The following TBCA variants were observed in gnomAD, a reference collection of about 807,000 sequenced individuals.
The protein encoded by TBCA is tubulin folding cofactor A.
In TBCA, 6 loss-of-function variants were observed where a neutral mutation model predicts 15.8. The observed-to-expected ratio is 0.38, with a 90% CI of 0.21 to 0.75. The LOEUF (loss-of-function observed/expected upper bound fraction) is 0.75. TBCA is among the 30% of genes least tolerant of loss of function. The pLI is 0.46. For synonymous variants in TBCA, 32 were observed against 42.3 expected, an observed-to-expected ratio of 0.76 and a Z score of 0.94; for missense variants, 90 against 131.2, an observed-to-expected ratio of 0.69 and a Z score of 1.53.
intron 1 of TBCA, among the ~76,000 whole-genome samples, chr5:77,734,461 C>G (rs568654831): frequency 1.3e-5 from 2 of 152,116 alleles, no homozygotes; most frequent in Middle Eastern, 3.2e-3. Context: ...CTAACCTGCA[C>G]AGATAACTTT....
intron 1 of TBCA, among the ~76,000 whole-genome samples, chr5:77,726,407 C>T (rs71632937): frequency 0.08 from 12,177 of 152,244 alleles, 641 homozygotes; most frequent in Middle Eastern, 0.12. Context: ...CAGATTTCTT[C>T]ATTACATGCA....
Position 77,761,197 on chromosome 5 carries a change from G to A in TBCA, c.53+15008C>T, listed in dbSNP as rs538356981. ...ATGGTGGTTTTGTCGAAAAGAAAAG[G>A]GGGAAATGTGGGGAAAAGAAAGAGA... On this transcript the variant is annotated intron_variant, in intron 1 of 3. Transcript: ENST00000380377. Among the ~76,000 whole-genome samples the A allele has an allele frequency of 5.3e-5, 8 of 151,950 alleles. No individual in the cohort carries two copies. The South Asian group carries it at 1.5e-3, about 28-fold the overall frequency.
intron 1 of TBCA, among the ~76,000 whole-genome samples, chr5:77,754,279 T>C (rs1403557931): frequency 1.3e-5 from 2 of 152,240 alleles, no homozygotes; most frequent in African/African-American, 4.8e-5. Context: ...TCTATAACTT[T>C]CTTTACATCT....
At chr5:77,757,932 G>A (rs900039287) in intron 1 of TBCA, among the ~76,000 whole-genome samples, 3 of 152,116 alleles carry the variant, frequency 2.0e-5, no homozygotes, top group African/African-American at 4.8e-5. Context: ...AAATCTGTAC[G>A]GGTCTGCAGC....
intron 2 of TBCA, among the ~76,000 whole-genome samples, chr5:77,707,542 T>C (rs1236056807): frequency 6.6e-6 from 1 of 151,754 alleles, no homozygotes; most frequent in Non-Finnish European, 1.5e-5. Context: ...ACCTAAGAGG[T>C]TGAGACAGGG....
intron 1 of TBCA, among the ~76,000 whole-genome samples, chr5:77,735,098 C>T (rs1030253888): frequency 1.2e-4 from 18 of 152,134 alleles, no homozygotes; most frequent in African/African-American, 3.4e-4. Flanking sequence ...ATTTGTGTGA[C>T]TCATTTTATT....
intron 3 of TBCA, 101 bp downstream of exon 3, chr5:77,693,165 T>C: frequency 6.5e-7 from 1 of 1,543,868 alleles, no homozygotes; most frequent in Non-Finnish European, 8.7e-7. Flanking sequence ...GAATAAGAAA[T>C]ACTGCCAACT....
chr5:77,751,957 G>C (rs559504768), intron 1 of TBCA, among the ~76,000 whole-genome samples: 1 of 152,130 alleles, frequency 6.6e-6, no homozygotes, highest in Non-Finnish European at 1.5e-5. Context: ...GATCAGATGA[G>C]CCAGTTTATT....
chr5:77,737,664 C>T (rs777083410), intron 1 of TBCA, among the ~76,000 whole-genome samples: 16 of 152,278 alleles, frequency 1.1e-4, no homozygotes, highest in Non-Finnish European at 2.1e-4. Flanking sequence ...GGAAGAAATA[C>T]ATTTTAAATT....
At position 77,776,244 on chromosome 5, in the gene TBCA, C is replaced by G; in HGVS notation, c.14G>C (p.Arg5Pro). The change falls in exon 1 of 4, where the codon CGC becomes CCC. Residue 5 changes from arginine to proline, a missense_variant. Transcript: ENST00000380377. ...GGTCTTGATCTTGATCTGTCTCACG[C>G]GAGGATCGGCCATGGTCCCTCGAGC... MADP[R>P]VRQIKIKTGV... 2 of 1,579,640 alleles carry G rather than the reference C, an allele frequency of 1.3e-6. No individual in the cohort carries two copies. Among genetic ancestry groups the G allele is most frequent in the Non-Finnish European group, 1.7e-6 (2 of 1,163,762 alleles).
At chr5:77,733,287 G>A (rs1324684460) in intron 1 of TBCA, among the ~76,000 whole-genome samples, 1 of 151,940 alleles carries the variant, frequency 6.6e-6, no homozygotes, top group Non-Finnish European at 1.5e-5. Context: ...TCTCAAGGGA[G>A]AAAAAAAAGT....
At chr5:77,725,801 G>C (rs1394684196) in intron 1 of TBCA, among the ~76,000 whole-genome samples, 7 of 152,132 alleles carry the variant, frequency 4.6e-5, no homozygotes, top group Admixed American at 3.3e-4. Flanking sequence ...GTGTCTTAAG[G>C]CTCCTTGAGA....
At chr5:77,697,024 T>A (rs1745887828) in intron 2 of TBCA, among the ~76,000 whole-genome samples, 1 of 152,212 alleles carries the variant, frequency 6.6e-6, no homozygotes, top group Admixed American at 6.5e-5. Flanking sequence ...ATCATAAAAT[T>A]ATCAATCTAC....
intron 1 of TBCA, among the ~76,000 whole-genome samples, chr5:77,736,335 CA>C (rs34100013): frequency 0.42 from 38,048 of 90,332 alleles, 4,457 homozygotes; most frequent in Non-Finnish European, 0.44. Context: ...GACTCCGTCT[CA>C]AAAAAAAAAA....
chr5:77,693,420 G>T (rs1745800918), intron 2 of TBCA, 68 bp from the exon 3 acceptor site: 1 of 1,520,020 alleles, frequency 6.6e-7, no homozygotes, highest in Non-Finnish European at 8.9e-7. Flanking sequence ...TCATATCTTG[G>T]TAAGTATATC....
chr5:77,743,852 C>T (rs1747106617), intron 1 of TBCA, among the ~76,000 whole-genome samples: 1 of 152,146 alleles, frequency 6.6e-6, no homozygotes, highest in African/African-American at 2.4e-5. Flanking sequence ...CAGGTACCAT[C>T]GTAGGCACTA....
At chr5:77,736,073 G>C (rs1746896071) in intron 1 of TBCA, among the ~76,000 whole-genome samples, 1 of 152,042 alleles carries the variant, frequency 6.6e-6, no homozygotes, top group Non-Finnish European at 1.5e-5. Context: ...GGTGGCTCAC[G>C]CCTGTAATCC....
chr5:77,767,700 C>T (rs1293273449), intron 1 of TBCA, among the ~76,000 whole-genome samples: 1 of 152,170 alleles, frequency 6.6e-6, no homozygotes, highest in Non-Finnish European at 1.5e-5. Flanking sequence ...GTGAACAGAA[C>T]AAGCAACTAA....
At chr5:77,739,322 G>A (rs1746980612) in intron 1 of TBCA, among the ~76,000 whole-genome samples, 1 of 152,028 alleles carries the variant, frequency 6.6e-6, no homozygotes, top group Non-Finnish European at 1.5e-5. Flanking sequence ...TTAGCCGGGT[G>A]TGGTGGTGCA....
Sources: gnomAD v4.1 joint callset for allele counts (sites outside exome capture counted in the v4.1 genomes callset) on GRCh38, gnomAD v4.1.1 for gene constraint, MANE v1.5 for transcripts, NCBI Gene and HGNC (gene_info 2026-07-23, HGNC 2026-07-21) for gene names.